TJP2: variants seen among roughly 807,000 people sequenced by gnomAD.
TJP2 encodes tight junction protein 2, also known as Friedreich ataxia region gene X104 (tight junction protein ZO-2).
In TJP2, 91 loss-of-function variants were observed where a neutral mutation model predicts 133.1. The ratio of observed to expected loss-of-function variants is 0.68; its 90% CI spans 0.58 to 0.81. The LOEUF (loss-of-function observed/expected upper bound fraction) is 0.81, where lower values mean the gene tolerates loss of function less well. TJP2 is among the 40% of genes least tolerant of loss of function. TJP2 has a pLI of 0.00. For synonymous variants in TJP2, 592 were observed against 583.4 expected (o/e 1.01, Z -0.21); for missense variants, 1,541 against 1,565.6 (o/e 0.98, Z 0.26).
intron 1 of TJP2, among the ~76,000 whole-genome samples, chr9:69,200,505 A>G (rs1190605291): frequency 6.6e-6 from 1 of 152,154 alleles, no homozygotes; most frequent in African/African-American, 2.4e-5. Flanking sequence ...CTCCTGCCTC[A>G]GTGTCCTGAG....
chr9:69,205,874 G>A (rs1168901534), intron 1 of TJP2, among the ~76,000 whole-genome samples: 4 of 151,992 alleles, frequency 2.6e-5, no homozygotes, highest in Non-Finnish European at 5.9e-5. Flanking sequence ...TGAACACTTC[G>A]GTATCTGTTT....
At chr9:69,228,495 C>G (rs1410342015) in intron 9 of TJP2, among the ~76,000 whole-genome samples, 1 of 151,946 alleles carries the variant, frequency 6.6e-6, no homozygotes, top group Admixed American at 6.6e-5. Flanking sequence ...GGACGTGCAC[C>G]CACTGAACCT....
chr9:69,199,535 T>C (rs1161750854), intron 1 of TJP2, among the ~76,000 whole-genome samples: 2 of 151,206 alleles, frequency 1.3e-5, no homozygotes, highest in Non-Finnish European at 3.0e-5. Context: ...GTCTCAGACA[T>C]ACACACACAC....
intron 1 of TJP2, among the ~76,000 whole-genome samples, chr9:69,149,733 G>A (rs1412313219): frequency 6.6e-6 from 1 of 152,178 alleles, no homozygotes; most frequent in Non-Finnish European, 1.5e-5. Context: ...TGTGGTATTC[G>A]AAAGGCACAT....
chr9:69,217,737 G>A (rs1588083887), intron 3 of TJP2, among the ~76,000 whole-genome samples: 1 of 152,164 alleles, frequency 6.6e-6, no homozygotes, highest in South Asian at 2.1e-4. Context: ...ATCAAAGTTA[G>A]TAGTCTTTCA....
chr9:69,177,097 T>G (rs1825152195), intron 1 of TJP2, among the ~76,000 whole-genome samples: 1 of 152,226 alleles, frequency 6.6e-6, no homozygotes, highest in African/African-American at 2.4e-5. Context: ...TAAGCAGTTG[T>G]GGCTACAGAT....
chr9:69,133,326 T>C (rs912452647), intron 1 of TJP2, among the ~76,000 whole-genome samples: 5 of 152,190 alleles, frequency 3.3e-5, no homozygotes, highest in African/African-American at 1.2e-4. Flanking sequence ...TTTCAGGGGC[T>C]GGCACAGTAG....
chr9:69,207,395 C>T (rs1050014340), intron 1 of TJP2, among the ~76,000 whole-genome samples: 3 of 152,032 alleles, frequency 2.0e-5, no homozygotes, highest in Non-Finnish European at 2.9e-5. Flanking sequence ...CTGGTTTGTT[C>T]GTCTTCATTG....
intron 2 of TJP2, 42 bp downstream of exon 2, chr9:69,212,643 G>T: frequency 6.7e-7 from 1 of 1,496,982 alleles, no homozygotes; most frequent in South Asian, 1.1e-5. Context: ...TCATGTTCTT[G>T]ATTTTACGGA....
chr9:69,231,044 C>T (rs577047879), intron 11 of TJP2, among the ~76,000 whole-genome samples: 42 of 151,892 alleles, frequency 2.8e-4, no homozygotes, highest in Non-Finnish European at 4.9e-4. Flanking sequence ...TTGTTGACTT[C>T]GGAATAAATT....
Position 69,174,313 on chromosome 9 carries a change from C to A in TJP2, c.-60C>A. On this transcript the variant is annotated 5_prime_UTR_variant, in exon 1 of 23. Coordinates refer to ENST00000377245, the MANE Select transcript of TJP2 (RefSeq NM_004817.4). ...CGGTGGTGCCCAGGAGGAGTAGGAG[C>A]AGGAGCAGAAGCAGAAGCGGGGTCC... The A allele has an allele frequency of 6.5e-7, 1 of 1,549,894 alleles. No homozygotes were observed. The highest frequency in any genetic ancestry group is 1.2e-5 in the South Asian group (1 of 83,988).
rs770098257 is a variant in TJP2, at chr9:69,237,078, A to C, written c.2121A>C (p.Thr707=). 5.0e-6 allele frequency: 8 copies of C among 1,614,042 alleles called. No individual in the cohort carries two copies. In the South Asian group the frequency reaches 8.8e-5, roughly 18 times the overall value. ...KNLRKSREDL[T]AVVSVSTKFP... ...TGAGGAAAAGTCGGGAAGACCTCAC[A>C]GCTGTTGTGTCTGTCAGCACCAAGT... is the stretch of plus-strand genomic sequence containing the variant. Residue 707 remains threonine, a synonymous_variant, in exon 14 of 23, where the codon ACA becomes ACC. Coordinates refer to ENST00000377245, the MANE Select transcript of TJP2 (RefSeq NM_004817.4).
exon 2 of TJP2, chr9:69,151,726 C>G: frequency 8.1e-7 from 1 of 1,232,074 alleles, no homozygotes; most frequent in Non-Finnish European, 1.0e-6. Context: ...GGAGCAAGTA[C>G]TCCAGGAAGC....
chr9:69,135,600 C>T (rs1822696757), intron 1 of TJP2, among the ~76,000 whole-genome samples: 1 of 140,052 alleles, frequency 7.1e-6, no homozygotes, highest in African/African-American at 2.6e-5. Context: ...ACCACCACAC[C>T]TAGCTGATTT....
intron 1 of TJP2, among the ~76,000 whole-genome samples, chr9:69,211,184 A>G (rs1827879949): frequency 6.6e-6 from 1 of 152,172 alleles, no homozygotes; most frequent in Admixed American, 6.5e-5. Flanking sequence ...CTAAAATACA[A>G]AAATTAGCCG....
intron 1 of TJP2, among the ~76,000 whole-genome samples, chr9:69,144,552 G>A (rs1823135638): frequency 6.6e-6 from 1 of 152,178 alleles, no homozygotes; most frequent in South Asian, 2.1e-4. Flanking sequence ...ATTTAAGTCA[G>A]AACTCTCAGA....
chr9:69,247,863 G>C (rs1831035129), intron 18 of TJP2, 149 bp from the exon 19 acceptor site: 2 of 754,708 alleles, frequency 2.7e-6, no homozygotes, highest in Admixed American at 5.8e-5. Flanking sequence ...CCAAAGCCAA[G>C]TGATCTCAGG....
Position 69,254,825 on chromosome 9 carries a change from T to A in TJP2, c.*451T>A, listed in dbSNP as rs954521480. The A allele has an allele frequency of 4.3e-6, 2 of 464,238 alleles. No homozygotes were observed. Among genetic ancestry groups the A allele is most frequent in the Non-Finnish European group, 7.5e-6 (2 of 265,750 alleles). The allele number at this position is 464,238 out of a possible 1,614,324, so 28.8% of individuals were successfully genotyped here. ...AAGAAGTACTTTATTGCAACTCTTT[T>A]AAGTGCCTTGGATGAGAAGTGTCTT... On this transcript the variant is annotated 3_prime_UTR_variant, in exon 23 of 23. Transcript: ENST00000377245.
chr9:69,159,283 T>C (rs145319374), intron 2 of TJP2, among the ~76,000 whole-genome samples: 156 of 152,230 alleles, frequency 1.0e-3, no homozygotes, highest in African/African-American at 3.6e-3. Context: ...ATTACGCCAC[T>C]GTACTCCAGT....
Sources: gnomAD v4.1 joint callset for allele counts (sites outside exome capture counted in the v4.1 genomes callset) on GRCh38, gnomAD v4.1.1 for gene constraint, MANE v1.5 for transcripts, NCBI Gene and HGNC (gene_info 2026-07-23, HGNC 2026-07-21) for gene names.